AGBL1: variants seen among roughly 807,000 people sequenced by gnomAD.
The protein encoded by AGBL1 is cytosolic carboxypeptidase 4.
A neutral mutation model predicts 118.9 loss-of-function variants in AGBL1; 130 were observed. The ratio of observed to expected loss-of-function variants is 1.09; its 90% CI spans 0.95 to 1.26. AGBL1 has a LOEUF of 1.26. AGBL1 is among the 50% of genes most tolerant of loss of function. The probability of loss-of-function intolerance (pLI) is 0.00; values close to 1 mark genes in which losing one functional copy is unlikely to be tolerated. For synonymous variants in AGBL1, 555 were observed against 478.9 expected (o/e 1.16, Z -2.08); for missense variants, 1,584 against 1,298.1 (o/e 1.22, Z -3.38).
At chr15:86,097,205 C>T (rs1395523043) in intron 1 of AGBL1, among the ~76,000 whole-genome samples, 1 of 152,096 alleles carries the variant, frequency 6.6e-6, no homozygotes, top group African/African-American at 2.4e-5. Flanking sequence ...CATATTTTTA[C>T]ATATTTATGG....
intron 21 of AGBL1, among the ~76,000 whole-genome samples, chr15:86,577,209 G>T (rs1391776501): frequency 6.6e-6 from 1 of 152,314 alleles, no homozygotes; most frequent in East Asian, 1.9e-4. Context: ...GTCTCACATG[G>T]AGATGAGGAC....
chr15:86,784,770 T>C (rs2078383347), intron 22 of AGBL1, among the ~76,000 whole-genome samples: 1 of 152,144 alleles, frequency 6.6e-6, no homozygotes, highest in South Asian at 2.1e-4. Flanking sequence ...TAAAATACAA[T>C]AGTGCTCAGT....
At chr15:86,541,438 A>C (rs1177028083) in intron 19 of AGBL1, among the ~76,000 whole-genome samples, 1 of 152,092 alleles carries the variant, frequency 6.6e-6, no homozygotes, top group African/African-American at 2.4e-5. Flanking sequence ...AAAGTATTTT[A>C]AAAATTAGCC....
intron 22 of AGBL1, among the ~76,000 whole-genome samples, chr15:86,768,641 G>C (rs2078129827): frequency 6.6e-6 from 1 of 151,864 alleles, no homozygotes; most frequent in Non-Finnish European, 1.5e-5. Context: ...TGATCAACTG[G>C]CTCTTGGCCC....
At chr15:86,542,892 T>A (rs2083524431) in intron 19 of AGBL1, among the ~76,000 whole-genome samples, 1 of 152,254 alleles carries the variant, frequency 6.6e-6, no homozygotes, top group African/African-American at 2.4e-5. Context: ...CCTTTTACTT[T>A]CAACCTATCT....
chr15:86,125,327 C>A (rs772656724), intron 1 of AGBL1, among the ~76,000 whole-genome samples: 17 of 152,180 alleles, frequency 1.1e-4, no homozygotes, highest in Non-Finnish European at 1.6e-4. Flanking sequence ...TGAAGCCTTT[C>A]GTGACTAGAC....
chr15:87,022,018 C>G (rs951413464), intron 24 of AGBL1, among the ~76,000 whole-genome samples: 2 of 152,050 alleles, frequency 1.3e-5, no homozygotes, highest in Non-Finnish European at 2.9e-5. Flanking sequence ...GGTAGACTTG[C>G]TGGGTGGCTA....
intron 17 of AGBL1, among the ~76,000 whole-genome samples, chr15:86,387,633 T>C (rs559351145): frequency 2.0e-5 from 3 of 152,276 alleles, no homozygotes; most frequent in Non-Finnish European, 4.4e-5. Flanking sequence ...TGAAAAGATT[T>C]AAGAAAAAGA....
intron 3 of AGBL1, among the ~76,000 whole-genome samples, chr15:86,149,613 C>T (rs911174273): frequency 6.6e-6 from 1 of 152,146 alleles, no homozygotes; most frequent in Non-Finnish European, 1.5e-5. Context: ...TACAGGAGCA[C>T]CCAGATTCAT....
intron 24 of AGBL1, among the ~76,000 whole-genome samples, chr15:86,999,349 C>T (rs1277061066): frequency 1.3e-5 from 2 of 149,700 alleles, no homozygotes; most frequent in Middle Eastern, 3.2e-3. Flanking sequence ...TTAGGTATAT[C>T]TCCCGATGCT....
intron 6 of AGBL1, among the ~76,000 whole-genome samples, chr15:86,245,338 A>G (rs997885126): frequency 7.2e-5 from 11 of 152,194 alleles, no homozygotes; most frequent in Admixed American, 1.3e-4. Flanking sequence ...TCCCTCACAC[A>G]CACTCAGCCA....
At chr15:86,596,816 CCTT>C (rs989499929) in intron 21 of AGBL1, among the ~76,000 whole-genome samples, 3 of 152,078 alleles carry the variant, frequency 2.0e-5, no homozygotes, top group African/African-American at 7.2e-5. Context: ...ACCTTGCTTT[CCTT>C]CTTCTTTTTC....
intron 18 of AGBL1, among the ~76,000 whole-genome samples, chr15:86,412,268 CTTAGAG>C (rs945747342): frequency 4.6e-4 from 70 of 152,296 alleles, no homozygotes; most frequent in Non-Finnish European, 7.5e-4. Flanking sequence ...GCTGACCAAT[CTTAGAG>C]TTAGACCATT....
chr15:86,548,995 C>T (rs2083627476), intron 20 of AGBL1, among the ~76,000 whole-genome samples: 1 of 151,902 alleles, frequency 6.6e-6, no homozygotes, highest in African/African-American at 2.4e-5. Flanking sequence ...GTGTCACACA[C>T]TTTTAAACTA....
chr15:87,029,819 G>A (rs553894137), downstream of AGBL1, among the ~76,000 whole-genome samples: 137 of 151,630 alleles, frequency 9.0e-4, no homozygotes, highest in Middle Eastern at 0.01. Flanking sequence ...ACACACACAC[G>A]TACACATGCA....
intron 5 of AGBL1, among the ~76,000 whole-genome samples, chr15:86,196,179 A>T (rs1387109554): frequency 1.3e-5 from 2 of 152,202 alleles, no homozygotes; most frequent in Non-Finnish European, 2.9e-5. Flanking sequence ...TGTAGCATGC[A>T]TTCTGACTTA....
At chr15:86,593,745 T>A (rs912376516) in intron 21 of AGBL1, among the ~76,000 whole-genome samples, 3 of 152,194 alleles carry the variant, frequency 2.0e-5, no homozygotes, top group Non-Finnish European at 4.4e-5. Flanking sequence ...AGTTCCCTCC[T>A]ACTACTTTGT....
intron 23 of AGBL1, among the ~76,000 whole-genome samples, chr15:86,922,253 C>T (rs989480634): frequency 3.3e-5 from 5 of 152,184 alleles, no homozygotes; most frequent in Non-Finnish European, 7.3e-5. Context: ...TACATTGTTG[C>T]ATATAGCAAA....
At chr15:86,281,805 A>T (rs1288681141) in intron 16 of AGBL1, among the ~76,000 whole-genome samples, 1 of 152,186 alleles carries the variant, frequency 6.6e-6, no homozygotes, top group East Asian at 1.9e-4. Context: ...TTACATTCAC[A>T]AGCTGCTAAA....
Sources: gnomAD v4.1 joint callset for allele counts (sites outside exome capture counted in the v4.1 genomes callset) on GRCh38, gnomAD v4.1.1 for gene constraint, MANE v1.5 for transcripts, NCBI Gene and HGNC (gene_info 2026-07-23, HGNC 2026-07-21) for gene names.